The following PDHX variants were observed in gnomAD, a reference collection of about 807,000 sequenced individuals.
PDHX encodes pyruvate dehydrogenase complex component X.
A neutral mutation model predicts 55.3 loss-of-function variants in PDHX; 33 were observed. The ratio of observed to expected loss-of-function variants is 0.60; its 90% CI spans 0.45 to 0.80. PDHX has a LOEUF of 0.80. Among genes scored for constraint, PDHX ranks in the 30% least tolerant of loss-of-function variants. PDHX has a pLI of 0.00. For missense variants in PDHX, 622 were observed against 619.9 expected (o/e 1.00, Z -0.04); for synonymous variants, 226 against 219.4 (o/e 1.03, Z -0.27).
In PDHX at chr11:34,966,675, G is replaced by A. The variant is rs781092468; in HGVS notation, c.677G>A (p.Gly226Asp). Residue 226 changes from glycine (G) to aspartate (D), a missense_variant, in exon 6 of 11, where the codon GGC becomes GAC. Physicochemically the swap from Gly to Asp is moderately conservative, Grantham distance 94 (BLOSUM62 -1). Transcript: ENST00000227868. ...AAACTTGTCCAGTTGAAACAAACGG[G>A]CAAGATTACCGAGTCCAGACCAACT... ...ALKLVQLKQT[G>D]KITESRPTPA... The A allele has an allele frequency of 1.2e-6, 2 of 1,613,752 alleles. No individual in the cohort carries two copies. The highest frequency in any genetic ancestry group is 1.7e-6 in the Non-Finnish European group (2 of 1,179,974).
At chr11:34,975,527 A>AT (rs1466297543) in intron 7 of PDHX, among the ~76,000 whole-genome samples, 1 of 152,080 alleles carries the variant, frequency 6.6e-6, no homozygotes, top group African/African-American at 2.4e-5. Flanking sequence ...CAAAATATAT[A>AT]TTTTTTATCT....
At chr11:34,960,578 A>T (rs1427744683) in intron 5 of PDHX, 60 bp downstream of exon 5, 3 of 1,041,614 alleles carry the variant, frequency 2.9e-6, no homozygotes, top group South Asian at 2.7e-5. Context: ...TGTTTTTTTG[A>T]AAGAAAATAA....
chr11:34,988,081 A>C (rs1417802397), intron 9 of PDHX, among the ~76,000 whole-genome samples: 1 of 152,208 alleles, frequency 6.6e-6, no homozygotes, highest in Non-Finnish European at 1.5e-5. Flanking sequence ...ATTTAAACAG[A>C]TAAAATTTAG....
chr11:34,965,842 T>G (rs952797430), intron 5 of PDHX, among the ~76,000 whole-genome samples: 2 of 152,038 alleles, frequency 1.3e-5, no homozygotes, highest in African/African-American at 4.8e-5. Context: ...TATAAAACAA[T>G]TTTTTTTCTT....
chr11:34,960,616 A>G (rs1855004482), intron 5 of PDHX, 98 bp downstream of exon 5: 4 of 721,212 alleles, frequency 5.5e-6, no homozygotes, highest in East Asian at 5.6e-5. Flanking sequence ...TTAAGATTTA[A>G]AAGGAGGTAC....
chr11:34,991,845 G>A (rs914566255), intron 9 of PDHX, among the ~76,000 whole-genome samples: 1 of 149,488 alleles, frequency 6.7e-6, no homozygotes, highest in Non-Finnish European at 1.5e-5. Context: ...GGGAGATGGA[G>A]GTTGCAATAG....
chr11:34,978,093 A>C (rs757522123), intron 7 of PDHX, 31 bp from the exon 8 acceptor site: 47 of 1,132,654 alleles, frequency 4.1e-5, no homozygotes, highest in Middle Eastern at 2.0e-4. Flanking sequence ...TATTAGGAAT[A>C]CTAATTTTAC....
chr11:34,944,309 G>T (rs936665630), intron 2 of PDHX, among the ~76,000 whole-genome samples: 1 of 151,786 alleles, frequency 6.6e-6, no homozygotes, highest in African/African-American at 2.4e-5. Context: ...TAGTAGGGAC[G>T]GGGTTTCACA....
chr11:34,970,068 A>G (rs1855223878), intron 6 of PDHX, 71 bp from the exon 7 acceptor site: 8 of 1,278,904 alleles, frequency 6.3e-6, no homozygotes, highest in Non-Finnish European at 8.0e-6. Context: ...TCATTTATAA[A>G]GTTGCTTGTT....
chr11:34,946,811 A>T (rs902292916), intron 2 of PDHX, among the ~76,000 whole-genome samples: 1 of 152,202 alleles, frequency 6.6e-6, no homozygotes, highest in Non-Finnish European at 1.5e-5. Context: ...AGTCCCCTAT[A>T]TCCAACAGAC....
intron 1 of PDHX, among the ~76,000 whole-genome samples, chr11:34,928,705 C>T (rs1167958457): frequency 6.6e-6 from 1 of 152,056 alleles, no homozygotes; most frequent in Non-Finnish European, 1.5e-5. Context: ...AGAATTCTTG[C>T]AATTAAGTGT....
At chr11:34,938,103 G>A (rs1430388194) in intron 2 of PDHX, among the ~76,000 whole-genome samples, 1 of 152,174 alleles carries the variant, frequency 6.6e-6, no homozygotes, top group African/African-American at 2.4e-5. Flanking sequence ...CTCAAGGGTG[G>A]GCTGAAGTGT....
chr11:34,953,671 T>A (rs1053887108), intron 3 of PDHX, among the ~76,000 whole-genome samples: 1 of 152,200 alleles, frequency 6.6e-6, no homozygotes. Context: ...ATTTACAGAT[T>A]TGATAAATTA....
At chr11:34,936,802 T>TTGTTTTG (rs1565151986) in intron 2 of PDHX, among the ~76,000 whole-genome samples, 25 of 129,146 alleles carry the variant, frequency 1.9e-4, no homozygotes, top group Non-Finnish European at 3.2e-4. Context: ...TTTTTTTTTT[T>TTGTTTTG]TTTCTGAGAC....
intron 2 of PDHX, among the ~76,000 whole-genome samples, chr11:34,942,932 GA>G (rs1299890584): frequency 6.6e-6 from 1 of 151,466 alleles, no homozygotes. Flanking sequence ...TTTTAAAAAA[GA>G]AAAAAAGGCT....
intron 1 of PDHX, among the ~76,000 whole-genome samples, chr11:34,924,947 G>A (rs1013303812): frequency 6.6e-5 from 10 of 152,016 alleles, no homozygotes; most frequent in African/African-American, 2.2e-4. Flanking sequence ...TCCCTCCCCA[G>A]TGAAATTATT....
At chr11:34,974,490 C>G (rs1855324286) in intron 7 of PDHX, among the ~76,000 whole-genome samples, 1 of 152,096 alleles carries the variant, frequency 6.6e-6, no homozygotes, top group African/African-American at 2.4e-5. Flanking sequence ...ACAAATATCT[C>G]TTTGTGTCTC....
chr11:34,989,208 A>G (rs1855710320), intron 9 of PDHX, among the ~76,000 whole-genome samples: 1 of 152,206 alleles, frequency 6.6e-6, no homozygotes, highest in African/African-American at 2.4e-5. Flanking sequence ...TTTCAGCTCC[A>G]TTTTAATCTT....
intron 6 of PDHX, 34 bp from the exon 7 acceptor site, chr11:34,970,105 G>A: frequency 6.2e-7 from 1 of 1,601,364 alleles, no homozygotes; most frequent in Non-Finnish European, 8.6e-7. Context: ...TATTCCACTT[G>A]TGGTTTAACG....
Sources: gnomAD v4.1 joint callset for allele counts (sites outside exome capture counted in the v4.1 genomes callset) on GRCh38, gnomAD v4.1.1 for gene constraint, MANE v1.5 for transcripts, NCBI Gene and HGNC (gene_info 2026-07-23, HGNC 2026-07-21) for gene names.